The following CELF2 variants were observed in gnomAD, a reference collection of about 807,000 sequenced individuals.
The protein encoded by CELF2 is CUGBP Elav-like family member 2, also known as CUG triplet repeat RNA-binding protein 2.
Under a neutral mutation model 62.6 loss-of-function variants are expected in CELF2, and 8 were observed. The observed-to-expected ratio is 0.13, with a 90% confidence interval of 0.07 to 0.23. The LOEUF (loss-of-function observed/expected upper bound fraction) is 0.23, where lower values mean the gene tolerates loss of function less well. Ranked by LOEUF, CELF2 falls within the 10% of genes least tolerant of loss-of-function variation. CELF2 has a pLI of 1.00. For synonymous variants in CELF2, 258 were observed against 250.0 expected (o/e 1.03, Z -0.30); for missense variants, 333 against 671.0 (o/e 0.50, Z 5.56).
At chr10:10,501,924 C>A in the CELF2 span, among the ~76,000 whole-genome samples, 1 of 152,090 alleles carries the variant, frequency 6.6e-6, no homozygotes, top group Non-Finnish European at 1.5e-5. Context: ...TGCTTTTTAG[C>A]AAGCAAAGAA....
the CELF2 span, among the ~76,000 whole-genome samples, chr10:10,773,696 G>A: frequency 6.6e-6 from 1 of 152,152 alleles, no homozygotes; most frequent in African/African-American, 2.4e-5. Context: ...CAGATAAACT[G>A]GAAACTCTGG....
the CELF2 span, among the ~76,000 whole-genome samples, chr10:10,765,450 G>A: frequency 6.6e-6 from 1 of 152,200 alleles, no homozygotes; most frequent in Non-Finnish European, 1.5e-5. Flanking sequence ...AGGTGGATGA[G>A]GCTGAGAAGA....
rs7097593 is a variant in CELF2 at position 11,211,811 on chromosome 10, A to C, written c.272-5614A>C. Reference sequence around the variant, plus strand: ...GTGTGTGAGAGAGAGAGAGAGAGAGAGAGTGTGTGTGTGTGTGTGTGTGTG... The same window carrying C: ...GTGTGTGAGAGAGAGAGAGAGAGAGCGAGTGTGTGTGTGTGTGTGTGTGTG... On this transcript the variant is annotated intron_variant, in intron 2 of 12. Coordinates refer to ENST00000633077, the MANE Select transcript of CELF2 (RefSeq NM_001326342.2). This position sits in a 1 kb window ranked among gnomAD's most constrained non-coding sequence, Gnocchi z 4.8. Among the ~76,000 whole-genome samples, 1 of 56,044 alleles carries C rather than the reference A, an allele frequency of 1.8e-5. No homozygotes were observed. Among genetic ancestry groups the C allele is most frequent in the African/African-American group, 7.4e-5 (1 of 13,482 alleles). 36.8% of individuals were successfully genotyped at this position (56,044 alleles called of 152,430 possible). A position where few individuals can be genotyped will look rare whatever the true frequency, so the allele number is the denominator to read the frequency against.
chr10:11,275,019 T>TG, intron 7 of CELF2, 38 bp from the exon 8 acceptor site: 1 of 1,603,834 alleles, frequency 6.2e-7, no homozygotes, highest in Non-Finnish European at 8.5e-7. Context: ...TACTTTGCTC[T>TG]CACCGTCTCC....
At chr10:10,803,972 T>C (rs1241220968) in intron 1 of CELF2, among the ~76,000 whole-genome samples, 2 of 152,228 alleles carry the variant, frequency 1.3e-5, no homozygotes, top group Non-Finnish European at 2.9e-5. Flanking sequence ...AATGAATGAA[T>C]TGACTGATGA....
intron 8 of CELF2, among the ~76,000 whole-genome samples, chr10:11,276,609 A>G (rs1036532297): frequency 3.9e-5 from 6 of 152,254 alleles, no homozygotes; most frequent in Admixed American, 3.3e-4. Flanking sequence ...CTTTCAGCCC[A>G]CGGGAGATTT....
At chr10:10,534,010 C>G in the CELF2 span, among the ~76,000 whole-genome samples, 1 of 151,300 alleles carries the variant, frequency 6.6e-6, no homozygotes, top group Non-Finnish European at 1.5e-5. Context: ...AAAGGAAAAC[C>G]TGGAAATAGG....
chr10:10,785,598 T>C, the CELF2 span, among the ~76,000 whole-genome samples: 1 of 152,120 alleles, frequency 6.6e-6, no homozygotes, highest in African/African-American at 2.4e-5. Flanking sequence ...TGGAGGACAT[T>C]ATGTTAAGTG....
At chr10:10,776,143 A>C in the CELF2 span, 1 of 152,960 alleles carries the variant, frequency 6.5e-6, no homozygotes, top group Non-Finnish European at 1.5e-5. Flanking sequence ...GAAAGAGTGC[A>C]GTTTACTAAG....
chr10:11,042,164 A>G (rs1018111792), intron 1 of CELF2, among the ~76,000 whole-genome samples: 1 of 152,248 alleles, frequency 6.6e-6, no homozygotes, highest in African/African-American at 2.4e-5. Context: ...CTCTTATGGT[A>G]GAAAGAAACT....
At chr10:10,968,224 T>G (rs927899164) in intron 2 of CELF2, among the ~76,000 whole-genome samples, 10 of 152,168 alleles carry the variant, frequency 6.6e-5, no homozygotes, top group African/African-American at 1.9e-4. Flanking sequence ...CATCTTTTTT[T>G]TTGTTCATGA....
At chr10:11,266,776 G>T in intron 6 of CELF2, 99 bp downstream of exon 6, 1 of 841,420 alleles carries the variant, frequency 1.2e-6, no homozygotes. Context: ...GACAATCACA[G>T]ATGTAAACTT....
Position 11,244,683 on chromosome 10 carries a change from C to T in CELF2, c.355-4470C>T, listed in dbSNP as rs1008334871. On this transcript the variant is annotated intron_variant, in intron 3 of 12. Coordinates refer to ENST00000633077, the MANE Select transcript of CELF2 (RefSeq NM_001326342.2). The surrounding 1 kb of genome is among the most constrained non-coding windows in gnomAD (Gnocchi z 4.2). ...CAAAAAAAAAAAAACAGCATAAAAACAACAACAACTTCCGTTGCTTCCTCT... is the reference window on the plus strand; with the variant it reads ...CAAAAAAAAAAAAACAGCATAAAAATAACAACAACTTCCGTTGCTTCCTCT... 1.3e-5 allele frequency among the ~76,000 whole-genome samples: 2 copies of T among 150,622 alleles called. No homozygotes were observed. Among genetic ancestry groups the T allele is most frequent in the Non-Finnish European group, 3.0e-5 (2 of 67,618 alleles).
the CELF2 span, among the ~76,000 whole-genome samples, chr10:10,720,250 A>G: frequency 6.6e-6 from 1 of 152,238 alleles, no homozygotes; most frequent in Non-Finnish European, 1.5e-5. Context: ...TTTTTAAAAT[A>G]TGATAACATT....
At chr10:10,830,594 C>T (rs1197314957) in intron 1 of CELF2, among the ~76,000 whole-genome samples, 1 of 152,128 alleles carries the variant, frequency 6.6e-6, no homozygotes, top group African/African-American at 2.4e-5. Flanking sequence ...AAACTTCCTA[C>T]TGCTTACCCT....
intron 1 of CELF2, among the ~76,000 whole-genome samples, chr10:10,866,807 C>T (rs2060405250): frequency 6.7e-6 from 1 of 149,530 alleles, no homozygotes; most frequent in South Asian, 2.1e-4. Flanking sequence ...ATAATCCCAG[C>T]TACCCGGGAG....
chr10:11,271,327 C>T (rs2083703256), intron 7 of CELF2, among the ~76,000 whole-genome samples: 1 of 152,242 alleles, frequency 6.6e-6, no homozygotes, highest in Non-Finnish European at 1.5e-5. Context: ...GTTCTCTCAG[C>T]CATTCCTTAC....
intron 1 of CELF2, among the ~76,000 whole-genome samples, chr10:10,910,329 C>A (rs1304706064): frequency 1.3e-5 from 2 of 152,092 alleles, no homozygotes; most frequent in Admixed American, 1.3e-4. Flanking sequence ...CCCACTTGTA[C>A]AAGCATATGA....
chr10:10,471,527 T>C, the CELF2 span, among the ~76,000 whole-genome samples: 2 of 151,736 alleles, frequency 1.3e-5, no homozygotes, highest in African/African-American at 4.8e-5. Context: ...GATTACAATA[T>C]TCATTTTAAA....
Sources: gnomAD v4.1 joint callset for allele counts (sites outside exome capture counted in the v4.1 genomes callset) on GRCh38, gnomAD v4.1.1 for gene constraint, Gnocchi (gnomAD v3.1) non-coding constraint, MANE v1.5 for transcripts, NCBI Gene and HGNC (gene_info 2026-07-23, HGNC 2026-07-21) for gene names.